SLC16A10: variants seen among roughly 807,000 people sequenced by gnomAD.
SLC16A10 encodes monocarboxylate transporter 10.
SLC16A10 carries 27 observed loss-of-function variants against 40.0 expected under a neutral mutation model. The ratio of observed to expected loss-of-function variants is 0.67; its 90% confidence interval spans 0.50 to 0.93. SLC16A10 has a LOEUF of 0.93. Among genes scored for constraint, SLC16A10 ranks in the 40% least tolerant of loss-of-function variants. The pLI, the probability that SLC16A10 is intolerant of heterozygous loss-of-function variation, is 0.00. For synonymous variants in SLC16A10, 213 were observed against 249.8 expected (o/e 0.85, Z 1.39); for missense variants, 529 against 658.2 (o/e 0.80, Z 2.15).
chr6:111,205,419 C>T (rs1385317238), intron 3 of SLC16A10, among the ~76,000 whole-genome samples: 1 of 152,134 alleles, frequency 6.6e-6, no homozygotes, highest in African/African-American at 2.4e-5. Flanking sequence ...AATATGCTCA[C>T]TGGCTATCTA....
At chr6:111,132,345 A>G (rs917475636) in intron 1 of SLC16A10, among the ~76,000 whole-genome samples, 53 of 152,340 alleles carry the variant, frequency 3.5e-4, no homozygotes, top group African/African-American at 1.2e-3. Flanking sequence ...TATAATTGAT[A>G]ATTGAAGGTC....
chr6:111,194,647 AT>A (rs35843615), intron 3 of SLC16A10, among the ~76,000 whole-genome samples: 116,864 of 152,000 alleles, frequency 0.77, 45,709 homozygotes, highest in Non-Finnish European at 0.85. Context: ...TTTATGAAGC[AT>A]TATAATATCC....
At chr6:111,204,033 A>T (rs905850088) in intron 3 of SLC16A10, among the ~76,000 whole-genome samples, 2 of 152,120 alleles carry the variant, frequency 1.3e-5, no homozygotes, top group Non-Finnish European at 2.9e-5. Context: ...AGACAGGTTC[A>T]TTTTGAACCT....
intron 1 of SLC16A10, among the ~76,000 whole-genome samples, chr6:111,145,844 G>C: frequency 6.6e-6 from 1 of 152,168 alleles, no homozygotes; most frequent in Non-Finnish European, 1.5e-5. Context: ...GTGAGACCTT[G>C]TCTGCTCCAC....
intron 1 of SLC16A10, among the ~76,000 whole-genome samples, chr6:111,109,879 C>G: frequency 6.6e-6 from 1 of 152,002 alleles, no homozygotes; most frequent in East Asian, 1.9e-4. Context: ...TTTTATTTCT[C>G]TTTTGTACAT....
intron 1 of SLC16A10, among the ~76,000 whole-genome samples, chr6:111,148,133 C>T (rs1253349103): frequency 6.6e-6 from 1 of 152,178 alleles, no homozygotes; most frequent in Non-Finnish European, 1.5e-5. Flanking sequence ...GACAGTAGAA[C>T]AGAGTAAAAG....
intron 2 of SLC16A10, among the ~76,000 whole-genome samples, chr6:111,176,397 T>C (rs919781383): frequency 6.6e-6 from 1 of 152,246 alleles, no homozygotes; most frequent in Non-Finnish European, 1.5e-5. Flanking sequence ...TTACCATAAT[T>C]GTTTCAAAGA....
At chr6:111,191,648 C>A (rs998442994) in intron 3 of SLC16A10, among the ~76,000 whole-genome samples, 4 of 152,254 alleles carry the variant, frequency 2.6e-5, no homozygotes, top group Admixed American at 2.0e-4. Flanking sequence ...AGTGTAAAAG[C>A]GTTTTTATTT....
intron 4 of SLC16A10, among the ~76,000 whole-genome samples, chr6:111,211,527 G>A (rs947049780): frequency 7.9e-5 from 12 of 152,310 alleles, no homozygotes; most frequent in Admixed American, 5.9e-4. Flanking sequence ...GTAGAGCATC[G>A]TTTGTGGCAC....
chr6:111,174,999 G>A (rs535122685), intron 2 of SLC16A10, among the ~76,000 whole-genome samples: 15 of 152,054 alleles, frequency 9.9e-5, no homozygotes, highest in African/African-American at 2.7e-4. Context: ...ATTAAATTTC[G>A]TTATTTAGCT....
intron 4 of SLC16A10, among the ~76,000 whole-genome samples, chr6:111,217,390 T>C (rs354527): frequency 0.84 from 127,298 of 152,250 alleles, 53,328 homozygotes; most frequent in Non-Finnish European, 0.87. Flanking sequence ...TTTAAAAAAC[T>C]TGATGCTTTT....
chr6:111,126,682 C>G (rs1229378758), intron 1 of SLC16A10, among the ~76,000 whole-genome samples: 7 of 152,036 alleles, frequency 4.6e-5, no homozygotes, highest in African/African-American at 1.7e-4. Context: ...ATAAGCCTGT[C>G]AAGTCTAGTG....
intron 1 of SLC16A10, among the ~76,000 whole-genome samples, chr6:111,097,011 AG>A (rs1771086385): frequency 6.6e-6 from 1 of 151,742 alleles, no homozygotes; most frequent in African/African-American, 2.4e-5. Flanking sequence ...TTTGTGGGGG[AG>A]GGTCTCTCTA....
intron 1 of SLC16A10, among the ~76,000 whole-genome samples, chr6:111,094,161 G>A (rs1349905190): frequency 6.6e-6 from 1 of 152,144 alleles, no homozygotes; most frequent in Non-Finnish European, 1.5e-5. Flanking sequence ...TGCTTTTGAT[G>A]TGATTTGCTA....
chr6:111,196,044 T>C (rs1282524986), intron 3 of SLC16A10, among the ~76,000 whole-genome samples: 1 of 103,022 alleles, frequency 9.7e-6, no homozygotes, highest in African/African-American at 3.1e-5. Context: ...CATAGTGAGA[T>C]GCCATCTCTA....
At chr6:111,161,852 A>T (rs1439553377) in intron 1 of SLC16A10, among the ~76,000 whole-genome samples, 1 of 152,076 alleles carries the variant, frequency 6.6e-6, no homozygotes, top group African/African-American at 2.4e-5. Flanking sequence ...CCAAACAAAG[A>T]AACCTCTGGG....
intron 4 of SLC16A10, among the ~76,000 whole-genome samples, chr6:111,209,575 T>C (rs1422432590): frequency 6.6e-6 from 1 of 152,114 alleles, no homozygotes; most frequent in Non-Finnish European, 1.5e-5. Context: ...TGTTTAGAGC[T>C]CATGGAAGAG....
chr6:111,161,328 A>G (rs532142689), intron 1 of SLC16A10, among the ~76,000 whole-genome samples: 2 of 151,792 alleles, frequency 1.3e-5, no homozygotes, highest in East Asian at 1.9e-4. Flanking sequence ...CAGGTTCTCA[A>G]TCCAGTCCAT....
chr6:111,231,169 G>T lies in SLC16A10; in HGVS notation c.*8934G>T, dbSNP rs1308674788. 6.8e-6 allele frequency: 1 copy of T among 147,728 alleles called. No individual in the cohort carries two copies. The highest frequency in any genetic ancestry group is 1.5e-5 in the Non-Finnish European group (1 of 67,632). 9.2% of individuals were successfully genotyped at this position (147,728 alleles called of 1,614,324 possible). On this transcript the variant is annotated 3_prime_UTR_variant, in exon 6 of 6. Coordinates refer to ENST00000368851, the MANE Select transcript of SLC16A10 (RefSeq NM_018593.5). Reference sequence around the variant, plus strand: ...GAAAAATGTGATACTCTTAGTAAATGCAATAAAAACTTTTTAGCAAATTCC... The same window carrying T: ...GAAAAATGTGATACTCTTAGTAAATTCAATAAAAACTTTTTAGCAAATTCC...
Sources: gnomAD v4.1 joint callset for allele counts (sites outside exome capture counted in the v4.1 genomes callset) on GRCh38, gnomAD v4.1.1 for gene constraint, MANE v1.5 for transcripts, NCBI Gene and HGNC (gene_info 2026-07-23, HGNC 2026-07-21) for gene names.